Variants in PCDH15 observed in about 807,000 individuals in gnomAD.
The protein encoded by PCDH15 is protocadherin-15.
A neutral mutation model predicts 178.5 loss-of-function variants in PCDH15; 129 were observed. That is an observed-to-expected ratio of 0.72 (90% CI 0.63 to 0.84). The LOEUF is 0.84. Ranked by LOEUF, PCDH15 falls within the 40% of genes least tolerant of loss-of-function variation. The pLI, the probability that PCDH15 is intolerant of heterozygous loss-of-function variation, is 0.00. For synonymous variants in PCDH15, 800 were observed against 732.0 expected (o/e 1.09, Z -1.50); for missense variants, 2,230 against 2,099.9 (o/e 1.06, Z -1.21).
At chr10:55,328,937 T>C (rs528566014) in intron 2 of PCDH15, among the ~76,000 whole-genome samples, 1 of 133,670 alleles carries the variant, frequency 7.5e-6, no homozygotes, top group Admixed American at 7.4e-5. Context: ...TATATATATA[T>C]ATATATATAT....
intron 1 of PCDH15, chr10:55,166,770 A>G (rs1462579367): frequency 6.6e-6 from 1 of 152,220 alleles, no homozygotes; most frequent in African/African-American, 2.4e-5. Flanking sequence ...TCTTGTGCTT[A>G]AAATAAATTC....
intron 2 of PCDH15, among the ~76,000 whole-genome samples, chr10:55,077,416 TTCCTTC>T (rs1342194815): frequency 4.0e-5 from 6 of 148,162 alleles, no homozygotes; most frequent in African/African-American, 1.3e-4. Flanking sequence ...CCTTCCTTCC[TTCCTTC>T]CTTCCTTCCT....
intron 2 of PCDH15, among the ~76,000 whole-genome samples, chr10:54,901,316 G>A (rs1429894565): frequency 6.6e-6 from 1 of 152,096 alleles, no homozygotes; most frequent in African/African-American, 2.4e-5. Context: ...ATAGGACAAA[G>A]CTAGTGCATT....
At chr10:55,076,765 T>G (rs975093784) in intron 2 of PCDH15, among the ~76,000 whole-genome samples, 20 of 104,084 alleles carry the variant, frequency 1.9e-4, no homozygotes, top group Non-Finnish European at 3.6e-4. Flanking sequence ...GCCTGTGACC[T>G]TTTTTTTTTT....
intron 2 of PCDH15, among the ~76,000 whole-genome samples, chr10:55,498,415 A>C (rs1426633403): frequency 1.3e-5 from 2 of 151,884 alleles, no homozygotes; most frequent in Non-Finnish European, 2.9e-5. Context: ...ACATTTTATA[A>C]AGTGTGTTCA....
At chr10:54,744,357 A>G (rs1001896064) in intron 1 of PCDH15, among the ~76,000 whole-genome samples, 4 of 152,182 alleles carry the variant, frequency 2.6e-5, no homozygotes, top group African/African-American at 9.6e-5. Flanking sequence ...AAACTGAGAT[A>G]ATAAATGTTT....
intron 8 of PCDH15, among the ~76,000 whole-genome samples, chr10:54,279,355 T>A (rs2058537896): frequency 6.6e-6 from 1 of 151,544 alleles, no homozygotes. Context: ...GTATTTGAAA[T>A]TAATTATTTT....
upstream of PCDH15, among the ~76,000 whole-genome samples, chr10:54,805,483 C>T (rs60644054): frequency 0.039 from 5,953 of 152,204 alleles, 349 homozygotes; most frequent in African/African-American, 0.13. Context: ...CATCTGTATT[C>T]ACACCAATAA....
chr10:54,005,293 A>T (rs1271104122), intron 20 of PCDH15, among the ~76,000 whole-genome samples: 3 of 152,164 alleles, frequency 2.0e-5, no homozygotes, highest in African/African-American at 7.2e-5. Flanking sequence ...CAGGCAACCA[A>T]AGAAAAATGA....
At chr10:53,812,106 A>G (rs1297059961) in intron 35 of PCDH15, among the ~76,000 whole-genome samples, 1 of 152,210 alleles carries the variant, frequency 6.6e-6, no homozygotes, top group Non-Finnish European at 1.5e-5. Context: ...CTGTTCTGAT[A>G]AAGTCATCTG....
chr10:55,571,957 C>G (rs1401675794), intron 2 of PCDH15, among the ~76,000 whole-genome samples: 1 of 151,990 alleles, frequency 6.6e-6, no homozygotes, highest in Non-Finnish European at 1.5e-5. Context: ...TTATATGCCA[C>G]GTGTCTTGCT....
In PCDH15 at chr10:54,871,970, C is replaced by G. The variant is rs1330938225; in HGVS notation, c.-29+25480G>C. On this transcript the variant is annotated intron_variant, in intron 3 of 5. Coordinates refer to the PCDH15 transcript ENST00000458638. ...TTTTGTCCCCATAAATAAGATTAAACAAGGTGTGGAGCAGCTGTGTGTCAG... is the reference window on the plus strand; with the variant it reads ...TTTTGTCCCCATAAATAAGATTAAAGAAGGTGTGGAGCAGCTGTGTGTCAG... Among the ~76,000 whole-genome samples the G allele has an allele frequency of 2.0e-5, 3 of 152,040 alleles. No individual in the cohort carries two copies. In the East Asian group the frequency reaches 5.8e-4, roughly 29 times the overall value.
chr10:55,546,618 T>A (rs1406127299), intron 2 of PCDH15, among the ~76,000 whole-genome samples: 1 of 152,164 alleles, frequency 6.6e-6, no homozygotes, highest in Non-Finnish European at 1.5e-5. Flanking sequence ...GAGTATGTTA[T>A]TGTTCTCAGC....
At chr10:54,598,739 G>A (rs558336337) in intron 2 of PCDH15, among the ~76,000 whole-genome samples, 7 of 152,016 alleles carry the variant, frequency 4.6e-5, no homozygotes, top group East Asian at 1.9e-4. Context: ...GTTTCAGCTC[G>A]AAAGCTCTGT....
intron 26 of PCDH15, among the ~76,000 whole-genome samples, chr10:53,887,640 G>A (rs893412423): frequency 1.3e-5 from 2 of 152,152 alleles, no homozygotes; most frequent in Non-Finnish European, 2.9e-5. Context: ...TGTAATCCCA[G>A]CACTTTGGGA....
intron 21 of PCDH15, among the ~76,000 whole-genome samples, chr10:53,972,557 A>T (rs1258950769): frequency 6.6e-6 from 1 of 152,252 alleles, no homozygotes; most frequent in Non-Finnish European, 1.5e-5. Context: ...AAGGGCTAAT[A>T]TCCAGAATCT....
At position 53,903,182 on chromosome 10, in the gene PCDH15, A is replaced by C; in HGVS notation, c.3501+61T>G. On this transcript the variant is annotated intron_variant, in intron 26 of 37. Coordinates refer to ENST00000644397, the MANE Select transcript of PCDH15 (RefSeq NM_001384140.1). ...CAGTTAATGCAAACTACAGGCTTACAGCTTATCTGCAAAACCTGAGCTTTT... is the reference window on the plus strand; with the variant it reads ...CAGTTAATGCAAACTACAGGCTTACCGCTTATCTGCAAAACCTGAGCTTTT... The C allele has an allele frequency of 1.9e-6, 3 of 1,596,272 alleles. No homozygotes were observed. In the South Asian group the frequency reaches 3.3e-5, roughly 18 times the overall value.
chr10:55,060,279 A>G (rs1159669997), intron 2 of PCDH15, among the ~76,000 whole-genome samples: 1 of 152,084 alleles, frequency 6.6e-6, no homozygotes, highest in African/African-American at 2.4e-5. Context: ...AATGTGCACA[A>G]AAGTATTTAT....
chr10:55,143,001 T>C (rs1223133192), intron 2 of PCDH15, among the ~76,000 whole-genome samples: 1 of 152,056 alleles, frequency 6.6e-6, no homozygotes, highest in Non-Finnish European at 1.5e-5. Context: ...GGTGCAGATT[T>C]CTCCCTTGCT....
Sources: allele counts gnomAD v4.1 joint callset (sites outside exome capture counted in the v4.1 genomes callset), GRCh38; gene constraint gnomAD v4.1.1; transcripts MANE v1.5; gene names NCBI Gene and HGNC (gene_info 2026-07-23, HGNC 2026-07-21).